TENM2: variants seen among roughly 807,000 people sequenced by gnomAD.
The protein encoded by TENM2 is teneurin transmembrane protein 2, also known as teneurin-2.
In TENM2, 52 loss-of-function variants were observed where a neutral mutation model predicts 245.2. That is an observed-to-expected ratio of 0.21 (90% CI 0.17 to 0.27). The LOEUF is 0.27. Ranked by LOEUF, TENM2 falls within the 10% of genes least tolerant of loss-of-function variation. TENM2 has a pLI of 1.00. For synonymous variants in TENM2, 1,363 were observed against 1,438.9 expected (o/e 0.95, Z 1.19); for missense variants, 3,046 against 3,666.8 (o/e 0.83, Z 4.37).
At chr5:168,013,895 C>G (rs1310162721) in intron 5 of TENM2, among the ~76,000 whole-genome samples, 1 of 152,176 alleles carries the variant, frequency 6.6e-6, no homozygotes, top group African/African-American at 2.4e-5. Context: ...CTGGACCTCT[C>G]TCTTGGCTTC....
At chr5:168,108,373 C>T (rs1794417965) in intron 9 of TENM2, among the ~76,000 whole-genome samples, 1 of 152,296 alleles carries the variant, frequency 6.6e-6, no homozygotes, top group South Asian at 2.1e-4. Context: ...GTTAACTGAA[C>T]CCATTTTAGA....
At chr5:167,980,342 A>G (rs570929983) in intron 4 of TENM2, among the ~76,000 whole-genome samples, 3 of 152,322 alleles carry the variant, frequency 2.0e-5, no homozygotes, top group African/African-American at 7.2e-5. Flanking sequence ...GGAAAGGCTG[A>G]TCAAGAAATC....
chr5:167,010,547 T>G, the TENM2 span, among the ~76,000 whole-genome samples: 1 of 152,210 alleles, frequency 6.6e-6, no homozygotes, highest in Non-Finnish European at 1.5e-5. Context: ...GGCAGATAAT[T>G]TATTATTTCA....
chr5:167,623,108 A>T (rs1279744683), intron 2 of TENM2, among the ~76,000 whole-genome samples: 1 of 152,088 alleles, frequency 6.6e-6, no homozygotes, highest in African/African-American at 2.4e-5. Context: ...AAAGAGTGAT[A>T]TTTGCTTTTT....
At chr5:167,076,911 G>A in the TENM2 span, among the ~76,000 whole-genome samples, 1 of 152,062 alleles carries the variant, frequency 6.6e-6, no homozygotes, top group Non-Finnish European at 1.5e-5. Context: ...TGCGACCTTG[G>A]CTCACTGCAA....
At chr5:167,224,907 G>A in the TENM2 span, among the ~76,000 whole-genome samples, 10 of 151,888 alleles carry the variant, frequency 6.6e-5, no homozygotes, top group East Asian at 5.8e-4. Context: ...TCCTTGTGGC[G>A]ATCTTTCACC....
intron 2 of TENM2, among the ~76,000 whole-genome samples, chr5:167,808,413 C>T (rs971415908): frequency 1.3e-5 from 2 of 152,148 alleles, no homozygotes; most frequent in African/African-American, 4.8e-5. Flanking sequence ...GCATGCACCA[C>T]CACCTCCGGC....
intron 2 of TENM2, among the ~76,000 whole-genome samples, chr5:167,845,242 CACACACACA>C (rs1769934637): frequency 9.9e-4 from 2 of 2,018 alleles, no homozygotes; most frequent in East Asian, 8.3e-3. Flanking sequence ...TCCCGCGCCA[CACACACACA>C]CACACACACA....
chr5:167,006,418 A>G, the TENM2 span, among the ~76,000 whole-genome samples: 2 of 152,194 alleles, frequency 1.3e-5, no homozygotes, highest in Non-Finnish European at 2.9e-5. Flanking sequence ...TGAAAATGCT[A>G]TAAAGCATGG....
intron 6 of TENM2, among the ~76,000 whole-genome samples, chr5:168,058,801 T>C (rs535105548): frequency 1.3e-5 from 2 of 152,314 alleles, no homozygotes; most frequent in African/African-American, 4.8e-5. Context: ...TTTCATTCCA[T>C]GTAAGAACTT....
At chr5:167,782,313 CAAAAAAAAAAAAA>C (rs767675565) in intron 2 of TENM2, among the ~76,000 whole-genome samples, 1 of 58,756 alleles carries the variant, frequency 1.7e-5, no homozygotes, top group Admixed American at 1.8e-4. Flanking sequence ...AACTCTGTCT[CAAAAAAAAAAAAA>C]AAAAAAAAAA....
the TENM2 span, among the ~76,000 whole-genome samples, chr5:166,999,551 AT>A: frequency 7.2e-5 from 11 of 152,128 alleles, no homozygotes; most frequent in African/African-American, 2.4e-4. Context: ...GATTCAAGTG[AT>A]AAAAGTAAGA....
At chr5:167,132,834 A>G in the TENM2 span, among the ~76,000 whole-genome samples, 1 of 152,236 alleles carries the variant, frequency 6.6e-6, no homozygotes, top group East Asian at 1.9e-4. Flanking sequence ...AAGCTCTTTC[A>G]GGCTTGCTCT....
At chr5:167,012,786 G>T in the TENM2 span, among the ~76,000 whole-genome samples, 1 of 152,098 alleles carries the variant, frequency 6.6e-6, no homozygotes. Flanking sequence ...TTCCACAAAG[G>T]CTGTCCCTTT....
At chr5:167,245,443 A>T in the TENM2 span, among the ~76,000 whole-genome samples, 2 of 152,160 alleles carry the variant, frequency 1.3e-5, no homozygotes, top group Admixed American at 6.6e-5. Flanking sequence ...TTTCTGGATG[A>T]CAACTTCAAA....
intron 2 of TENM2, among the ~76,000 whole-genome samples, chr5:167,720,719 G>A (rs1024565667): frequency 6.6e-5 from 10 of 152,262 alleles, no homozygotes; most frequent in African/African-American, 1.7e-4. Flanking sequence ...ATATATACTC[G>A]TGGTTGAATG....
At chr5:167,004,934 T>C in the TENM2 span, among the ~76,000 whole-genome samples, 1 of 152,190 alleles carries the variant, frequency 6.6e-6, no homozygotes, top group Non-Finnish European at 1.5e-5. Context: ...ACCTTTGAAC[T>C]GACTTTACTT....
At chr5:167,009,383 T>A in the TENM2 span, among the ~76,000 whole-genome samples, 1 of 152,198 alleles carries the variant, frequency 6.6e-6, no homozygotes, top group Non-Finnish European at 1.5e-5. Flanking sequence ...CTCAGCTGAT[T>A]TTCAATAATT....
the TENM2 span, among the ~76,000 whole-genome samples, chr5:167,129,630 T>A: frequency 6.6e-6 from 1 of 152,180 alleles, no homozygotes; most frequent in Non-Finnish European, 1.5e-5. Flanking sequence ...CAAATGGGAA[T>A]AATAAATTAC....
Sources: gnomAD v4.1 joint callset for allele counts (sites outside exome capture counted in the v4.1 genomes callset) on GRCh38, gnomAD v4.1.1 for gene constraint, MANE v1.5 for transcripts, NCBI Gene and HGNC (gene_info 2026-07-23, HGNC 2026-07-21) for gene names.